Variants in MTUS2 observed in about 807,000 individuals in gnomAD.
MTUS2 encodes microtubule-associated tumor suppressor candidate 2.
MTUS2 carries 40 observed loss-of-function variants against 114.1 expected under a neutral mutation model. That is an observed-to-expected ratio of 0.35 (90% CI 0.27 to 0.46). MTUS2 has a LOEUF of 0.46. Ranked by LOEUF, MTUS2 falls within the 20% of genes least tolerant of loss-of-function variation. MTUS2 has a pLI of 1.00. For missense variants in MTUS2, 1,679 were observed against 1,705.4 expected (o/e 0.98, Z 0.27); for synonymous variants, 688 against 672.0 (o/e 1.02, Z -0.37).
In MTUS2 at chr13:29,026,831, C is replaced by T. The variant is rs1301096313; in HGVS notation, c.2133C>T (p.Ser711=). The change falls in exon 3 of 16, where the codon TCC becomes TCT. Residue 711 remains serine (S), a synonymous_variant. Transcript: ENST00000612955. ...TGCAGAAGCCAAGGGTCTTCAGTTC[C>T]GGATTGATGGTGTCTGGAATCAAGC... ...PDLQKPRVFS[S]GLMVSGIKPP... is the part of the protein sequence containing the mutation. 1.4e-5 allele frequency: 22 copies of T among 1,609,972 alleles called. No individual in the cohort carries two copies. The highest frequency in any genetic ancestry group is 2.2e-5 in the East Asian group (1 of 44,882).
At chr13:29,339,537 T>C in intron 7 of MTUS2, 1 of 154,168 alleles carries the variant, frequency 6.5e-6, no homozygotes, top group Non-Finnish European at 1.4e-5. Context: ...CAGGCTCCCC[T>C]CTGTGCTCCG....
intron 5 of MTUS2, among the ~76,000 whole-genome samples, chr13:29,202,797 TC>T (rs891240780): frequency 3.3e-5 from 5 of 152,302 alleles, no homozygotes; most frequent in African/African-American, 1.2e-4. Flanking sequence ...TTGCTGGAGA[TC>T]CACTCCAGAC....
At chr13:29,319,954 C>T (rs754510938) in intron 6 of MTUS2, among the ~76,000 whole-genome samples, 7 of 152,168 alleles carry the variant, frequency 4.6e-5, no homozygotes, top group Non-Finnish European at 8.8e-5. Context: ...AAAAGAGTTT[C>T]GTCATTGAGC....
intron 2 of MTUS2, among the ~76,000 whole-genome samples, chr13:28,999,456 T>A (rs1159284984): frequency 6.6e-6 from 1 of 152,214 alleles, no homozygotes; most frequent in Admixed American, 6.5e-5. Flanking sequence ...GTGGTTTTCA[T>A]AGGGCTTACA....
At chr13:29,432,010 ATTTTTTTTTT>A (rs57182093) in intron 8 of MTUS2, among the ~76,000 whole-genome samples, 1,093 of 81,066 alleles carry the variant, frequency 0.013, 22 homozygotes, top group African/African-American at 0.043. Flanking sequence ...ACGCTCAGCT[ATTTTTTTTTT>A]TTTTTTTTTT....
Position 29,026,642 on chromosome 13 carries a change from C to A in MTUS2, c.1944C>A (p.Ile648=). The A allele has an allele frequency of 6.2e-7, 1 of 1,614,008 alleles. No homozygotes were observed. The highest frequency in any genetic ancestry group is 8.5e-7 in the Non-Finnish European group (1 of 1,179,880). Residue 648 remains isoleucine, a synonymous_variant, in exon 3 of 16, where the codon ATC becomes ATA. Coordinates refer to ENST00000612955, the MANE Select transcript of MTUS2 (RefSeq NM_001033602.4). The part of the protein sequence containing the change: ...KHVRPKIITY[I]RRNPQALGQV... Reference sequence around the variant, plus strand: ...TGAGGCCCAAGATCATCACCTACATCAGGAGGAATCCCCAGGCCCTGGGCC... The same window carrying A: ...TGAGGCCCAAGATCATCACCTACATAAGGAGGAATCCCCAGGCCCTGGGCC...
intron 5 of MTUS2, among the ~76,000 whole-genome samples, chr13:29,248,797 G>A (rs879366464): frequency 1.3e-5 from 2 of 152,162 alleles, no homozygotes; most frequent in African/African-American, 2.4e-5. Flanking sequence ...TTCCTGCAAA[G>A]GACATGATCT....
Position 29,459,117 on chromosome 13 carries a change from A to G in MTUS2, c.3184+19068A>G, listed in dbSNP as rs766938623. Among the ~76,000 whole-genome samples the G allele has an allele frequency of 9.2e-5, 14 of 152,362 alleles. No individual in the cohort carries two copies. The South Asian group carries it at 1.0e-3, about 11-fold the overall frequency. ...GCATCGCTTGGACCCAAGCGGAGTC[A>G]CTTGCCTGCACGAAGCTTCCAAGGA... On this transcript the variant is annotated intron_variant, in intron 9 of 15. Transcript: ENST00000612955.
intron 7 of MTUS2, among the ~76,000 whole-genome samples, chr13:29,329,531 G>T (rs531037782): frequency 2.3e-4 from 35 of 151,856 alleles, no homozygotes; most frequent in African/African-American, 8.0e-4. Flanking sequence ...TCTTTATCCA[G>T]TCTATCACTG....
intron 5 of MTUS2, among the ~76,000 whole-genome samples, chr13:29,260,021 A>G (rs1301593825): frequency 1.3e-5 from 2 of 152,252 alleles, no homozygotes; most frequent in African/African-American, 4.8e-5. Flanking sequence ...CTCTGCTTTC[A>G]TCAAAGCCAA....
chr13:29,320,853 G>A (rs1039808541), intron 6 of MTUS2, among the ~76,000 whole-genome samples: 11 of 152,114 alleles, frequency 7.2e-5, no homozygotes, highest in African/African-American at 2.7e-4. Context: ...AATGAATCAG[G>A]GGCCAGACTT....
intron 4 of MTUS2, among the ~76,000 whole-genome samples, chr13:29,089,124 A>G (rs1339118678): frequency 1.3e-5 from 2 of 152,144 alleles, no homozygotes; most frequent in Admixed American, 6.5e-5. Flanking sequence ...CCCTCCCTTT[A>G]TGGCCTCTTC....
chr13:28,932,194 A>T (rs1046774518), intron 2 of MTUS2, among the ~76,000 whole-genome samples: 1 of 152,134 alleles, frequency 6.6e-6, no homozygotes, highest in Non-Finnish European at 1.5e-5. Flanking sequence ...CAGCACAGAG[A>T]GTGGAAATAG....
intron 5 of MTUS2, among the ~76,000 whole-genome samples, chr13:29,172,467 A>G (rs1299453967): frequency 6.6e-6 from 1 of 152,246 alleles, no homozygotes; most frequent in Admixed American, 6.5e-5. Context: ...TGAACTGAAG[A>G]AAATGGTGTA....
intron 2 of MTUS2, among the ~76,000 whole-genome samples, chr13:28,942,135 C>G (rs1027520364): frequency 6.6e-6 from 1 of 152,088 alleles, no homozygotes; most frequent in Non-Finnish European, 1.5e-5. Context: ...AAATAACTCA[C>G]TTAAAGCAGT....
At chr13:29,060,480 C>G (rs909447310) in intron 4 of MTUS2, among the ~76,000 whole-genome samples, 8 of 151,478 alleles carry the variant, frequency 5.3e-5, no homozygotes, top group African/African-American at 1.2e-4. Flanking sequence ...AGCTTCACCC[C>G]TCTCCGCTGT....
At chr13:29,196,655 C>T (rs1894716125) in intron 5 of MTUS2, among the ~76,000 whole-genome samples, 1 of 152,154 alleles carries the variant, frequency 6.6e-6, no homozygotes, top group African/African-American at 2.4e-5. Flanking sequence ...AACCACCATG[C>T]TACTATGTCT....
At position 29,100,765 on chromosome 13, in the gene MTUS2, C is replaced by T. The variant is rs202144269; in HGVS notation, c.2447-8C>T. On this transcript the variant is annotated splice_region_variant and splice_polypyrimidine_tract_variant and intron_variant, in intron 4 of 15. Coordinates refer to ENST00000612955, the MANE Select transcript of MTUS2 (RefSeq NM_001033602.4). ...ATAATTTTTTAATTTTATTTGGGTT[C>T]GTTTTAGCAGATTTAAAGAAAGCTT... 2.3e-4 allele frequency: 360 copies of T among 1,549,410 alleles called. 1 individual carries two copies. The highest frequency in any genetic ancestry group is 4.4e-5 in the Non-Finnish European group (51 of 1,146,616).
intron 7 of MTUS2, among the ~76,000 whole-genome samples, chr13:29,336,864 C>T (rs1231309017): frequency 1.3e-5 from 2 of 152,234 alleles, no homozygotes; most frequent in East Asian, 1.9e-4. Flanking sequence ...TCTAGAGAGG[C>T]AGTCTGGCTA....
Sources: gnomAD v4.1 joint callset for allele counts (sites outside exome capture counted in the v4.1 genomes callset) on GRCh38, gnomAD v4.1.1 for gene constraint, MANE v1.5 for transcripts, NCBI Gene and HGNC (gene_info 2026-07-23, HGNC 2026-07-21) for gene names.